EDIL3: variants seen among roughly 807,000 people sequenced by gnomAD.
EDIL3 encodes EGF like and discoidin domains 3, also known as EGF-like repeat and discoidin I-like domain-containing protein 3.
Under a neutral mutation model 67.4 loss-of-function variants are expected in EDIL3, and 37 were observed. The ratio of observed to expected loss-of-function variants is 0.55; its 90% CI spans 0.42 to 0.72. The LOEUF is 0.72. EDIL3 is among the 30% of genes least tolerant of loss of function. The pLI is 0.00. For missense variants in EDIL3, 527 were observed against 586.3 expected (o/e 0.90, Z 1.04); for synonymous variants, 195 against 196.3 (o/e 0.99, Z 0.05).
rs190493693 is a variant in EDIL3 at position 84,178,987 on chromosome 5, A to G, written c.355+1406T>C. 4.6e-3 allele frequency among the ~76,000 whole-genome samples: 697 copies of G among 152,310 alleles called. 4 individuals carry two copies. The highest frequency in any genetic ancestry group is 8.0e-3 in the Admixed American group (122 of 15,292). ...AATATAGTATGAAGCTATATTTTAT[A>G]TATTGTTTGAACAGAGTATGAAGCT... On this transcript the variant is annotated intron_variant, in intron 4 of 10. Coordinates refer to ENST00000296591, the MANE Select transcript of EDIL3 (RefSeq NM_005711.5).
chr5:84,186,561 C>T (rs948045659), intron 3 of EDIL3, among the ~76,000 whole-genome samples: 6 of 151,946 alleles, frequency 3.9e-5, no homozygotes, highest in African/African-American at 9.7e-5. Context: ...GGTATTAATA[C>T]ATTTCTTTGT....
chr5:84,003,690 C>CA (rs1745368622), intron 9 of EDIL3, among the ~76,000 whole-genome samples: 1 of 151,990 alleles, frequency 6.6e-6, no homozygotes, highest in Non-Finnish European at 1.5e-5. Flanking sequence ...AATATGATAA[C>CA]AAAAAACTGC....
intron 9 of EDIL3, among the ~76,000 whole-genome samples, chr5:83,989,269 C>T (rs1745108379): frequency 6.6e-6 from 1 of 152,104 alleles, no homozygotes; most frequent in Admixed American, 6.6e-5. Context: ...AGATTCATCC[C>T]ATTAGATAAA....
chr5:84,355,103 G>A (rs1339912276), intron 1 of EDIL3, among the ~76,000 whole-genome samples: 1 of 152,078 alleles, frequency 6.6e-6, no homozygotes, highest in Non-Finnish European at 1.5e-5. Context: ...CATTCTCCCT[G>A]TCACTTTCAG....
intron 1 of EDIL3, among the ~76,000 whole-genome samples, chr5:84,353,083 A>G (rs1383540517): frequency 6.6e-6 from 1 of 152,178 alleles, no homozygotes; most frequent in Non-Finnish European, 1.5e-5. Context: ...CAATGTGAAT[A>G]GCTGCTGCAC....
At chr5:84,070,667 C>T (rs747603139) in intron 6 of EDIL3, among the ~76,000 whole-genome samples, 4 of 147,442 alleles carry the variant, frequency 2.7e-5, no homozygotes, top group Non-Finnish European at 5.9e-5. Context: ...AATCATGAGT[C>T]TTACCATGGG....
chr5:84,116,624 T>C (rs1747670641), intron 5 of EDIL3, among the ~76,000 whole-genome samples: 1 of 152,208 alleles, frequency 6.6e-6, no homozygotes, highest in African/African-American at 2.4e-5. Context: ...TAATATGTAT[T>C]TACTAATTGA....
At chr5:84,050,601 G>A (rs938629029) in intron 9 of EDIL3, among the ~76,000 whole-genome samples, 3 of 152,154 alleles carry the variant, frequency 2.0e-5, no homozygotes, top group African/African-American at 2.4e-5. Flanking sequence ...TGGAAAATCC[G>A]GTCACTCCCA....
At chr5:84,309,446 C>CTCT (rs1346127902) in intron 1 of EDIL3, among the ~76,000 whole-genome samples, 3 of 151,448 alleles carry the variant, frequency 2.0e-5, no homozygotes, top group Non-Finnish European at 2.9e-5. Flanking sequence ...TACCCACTAA[C>CTCT]TCTTCATCTA....
chr5:84,166,994 A>G (rs987341568), intron 4 of EDIL3, among the ~76,000 whole-genome samples: 2 of 152,160 alleles, frequency 1.3e-5, no homozygotes, highest in Non-Finnish European at 2.9e-5. Context: ...GGGGCATGCC[A>G]GGTTATTTTT....
At chr5:83,976,044 G>A (rs562712706) in intron 9 of EDIL3, among the ~76,000 whole-genome samples, 6 of 151,922 alleles carry the variant, frequency 3.9e-5, no homozygotes, top group East Asian at 1.9e-4. Flanking sequence ...ATGTTAAACA[G>A]AATCACTATA....
At chr5:84,196,480 A>G (rs536451870) in intron 3 of EDIL3, among the ~76,000 whole-genome samples, 1 of 151,946 alleles carries the variant, frequency 6.6e-6, no homozygotes, top group Non-Finnish European at 1.5e-5. Flanking sequence ...GCCTTCTAAC[A>G]TAGCATGTAA....
Position 84,064,829 on chromosome 5 carries a change from T to C in EDIL3, c.823A>G (p.Ile275Val), listed in dbSNP as rs199553930. Residue 275 changes from isoleucine (I) to valine (V), a missense_variant, in exon 8 of 11, where the codon ATT becomes GTT. Transcript: ENST00000296591. ...TNEDMVFRGNIDNNTPYANSF... is the reference protein window; with the variant it reads ...TNEDMVFRGNVDNNTPYANSF... Reference sequence around the variant, plus strand: ...TTAGCATATGGAGTGTTGTTATCAATGTTTCCACGAAACACCTGTGTAAAA... The same window carrying C: ...TTAGCATATGGAGTGTTGTTATCAACGTTTCCACGAAACACCTGTGTAAAA... The C allele has an allele frequency of 6.2e-5, 100 of 1,610,740 alleles. No individual in the cohort carries two copies. The highest frequency in any genetic ancestry group is 2.5e-4 in the Admixed American group (15 of 59,352).
At chr5:84,311,367 T>C (rs1332962897) in intron 1 of EDIL3, among the ~76,000 whole-genome samples, 1 of 149,432 alleles carries the variant, frequency 6.7e-6, no homozygotes, top group Non-Finnish European at 1.5e-5. Flanking sequence ...TTTTATATAA[T>C]GTTCAAAAGC....
chr5:84,328,420 T>C (rs903273158), intron 1 of EDIL3, among the ~76,000 whole-genome samples: 3 of 152,160 alleles, frequency 2.0e-5, no homozygotes, highest in South Asian at 4.1e-4. Flanking sequence ...ACTCTTACCA[T>C]GAGAGAATGA....
chr5:84,283,092 T>C (rs1745736144), intron 1 of EDIL3, among the ~76,000 whole-genome samples: 1 of 152,082 alleles, frequency 6.6e-6, no homozygotes, highest in African/African-American at 2.4e-5. Flanking sequence ...GTAAAGTTTA[T>C]ATTGGGCTGA....
chr5:84,306,715 T>C (rs1746282466), intron 1 of EDIL3, among the ~76,000 whole-genome samples: 3 of 152,358 alleles, frequency 2.0e-5, no homozygotes, highest in African/African-American at 7.2e-5. Context: ...CCAAAACTTT[T>C]AGAGTTGTAA....
intron 9 of EDIL3, among the ~76,000 whole-genome samples, chr5:84,007,117 C>A (rs1745432284): frequency 6.6e-6 from 1 of 152,032 alleles, no homozygotes; most frequent in South Asian, 2.1e-4. Flanking sequence ...CATCTCTTGC[C>A]ATCTACAAAA....
intron 3 of EDIL3, among the ~76,000 whole-genome samples, chr5:84,208,935 T>C (rs1744052038): frequency 6.6e-6 from 1 of 152,176 alleles, no homozygotes; most frequent in South Asian, 2.1e-4. Context: ...TCTATGTTTA[T>C]TGCGGCATTA....
Sources: gnomAD v4.1 joint callset for allele counts (sites outside exome capture counted in the v4.1 genomes callset) on GRCh38, gnomAD v4.1.1 for gene constraint, MANE v1.5 for transcripts, NCBI Gene and HGNC (gene_info 2026-07-23, HGNC 2026-07-21) for gene names.